Variants in SCN1A observed in about 807,000 individuals in gnomAD.
SCN1A encodes the protein sodium channel protein type 1 subunit alpha.
Under a neutral mutation model 193.7 loss-of-function variants are expected in SCN1A, and 13 were observed. The observed-to-expected ratio is 0.07, with a 90% CI of 0.04 to 0.11. SCN1A has a LOEUF of 0.11. SCN1A is among the 10% of genes least tolerant of loss of function. SCN1A has a pLI of 1.00. For missense variants in SCN1A, 1,432 were observed against 2,451.1 expected (o/e 0.58, Z 8.78); for synonymous variants, 781 against 843.6 (o/e 0.93, Z 1.29).
intron 22 of SCN1A, among the ~76,000 whole-genome samples, chr2:166,010,394 G>C (rs945390861): frequency 6.6e-6 from 1 of 151,100 alleles, no homozygotes; most frequent in South Asian, 2.1e-4. Context: ...TTTTACATAA[G>C]TAACTTAGAA....
chr2:166,120,780 A>AT (rs1356054834), intron 2 of SCN1A, among the ~76,000 whole-genome samples: 1 of 150,834 alleles, frequency 6.6e-6, no homozygotes, highest in Non-Finnish European at 1.5e-5. Context: ...TGCCTGGCTA[A>AT]TTTTTTTGTA....
At chr2:166,106,002 A>C (rs930635497) in intron 2 of SCN1A, among the ~76,000 whole-genome samples, 1 of 152,150 alleles carries the variant, frequency 6.6e-6, no homozygotes, top group South Asian at 2.1e-4. Flanking sequence ...CCTGGCTAAC[A>C]CGGTGAAAAC....
Position 165,991,296 on chromosome 2 carries a change from A to G in SCN1A, c.5979T>C (p.Ile1993=). ...PPSYDRVTKP[I]VEKHEQEGKD... ...TGCCTTCTTGCTCATGTTTTTCCAC[A>G]ATTGGCTTTGTCACCCGGTCATAGG... Residue 1993 remains isoleucine, a synonymous_variant, in exon 29 of 29, where the codon ATT becomes ATC. Coordinates refer to ENST00000674923, the MANE Select transcript of SCN1A (RefSeq NM_001165963.4). 6.2e-7 allele frequency: 1 copy of G among 1,613,502 alleles called. No individual in the cohort carries two copies. Among genetic ancestry groups the G allele is most frequent in the African/African-American group, 1.3e-5 (1 of 74,932 alleles).
intron 2 of SCN1A, among the ~76,000 whole-genome samples, chr2:166,079,567 C>T (rs1476772929): frequency 2.0e-5 from 3 of 150,582 alleles, no homozygotes; most frequent in Non-Finnish European, 4.5e-5. Flanking sequence ...ACGACAATCA[C>T]CGTCTTTCAG....
At chr2:166,108,264 A>T (rs996363634) in intron 2 of SCN1A, among the ~76,000 whole-genome samples, 1 of 152,086 alleles carries the variant, frequency 6.6e-6, no homozygotes, top group African/African-American at 2.4e-5. Context: ...ATCACGTCAC[A>T]CACACTGGAA....
intron 11 of SCN1A, among the ~76,000 whole-genome samples, chr2:166,047,219 A>G (rs1281700210): frequency 6.6e-6 from 1 of 152,170 alleles, no homozygotes; most frequent in Non-Finnish European, 1.5e-5. Context: ...GAAACAGTCA[A>G]TAAAATGCCA....
chr2:166,103,594 A>G (rs765514103), intron 2 of SCN1A, among the ~76,000 whole-genome samples: 15 of 152,142 alleles, frequency 9.9e-5, no homozygotes, highest in Non-Finnish European at 1.9e-4. Flanking sequence ...GAAAAATGTT[A>G]AGAGAAGCTT....
chr2:166,047,196 A>G (rs1221826433), intron 11 of SCN1A, among the ~76,000 whole-genome samples: 1 of 152,038 alleles, frequency 6.6e-6, no homozygotes, highest in Non-Finnish European at 1.5e-5. Context: ...GAATTTTTGT[A>G]TTCACCAAGA....
intron 3 of SCN1A, among the ~76,000 whole-genome samples, chr2:166,075,074 A>G (rs1684857877): frequency 6.6e-6 from 1 of 152,210 alleles, no homozygotes; most frequent in Admixed American, 6.5e-5. Flanking sequence ...CCTACAAGGC[A>G]TCAGGAAAAT....
intron 3 of SCN1A, among the ~76,000 whole-genome samples, chr2:166,075,720 T>G (rs1684922491): frequency 6.6e-6 from 1 of 152,084 alleles, no homozygotes; most frequent in African/African-American, 2.4e-5. Flanking sequence ...TTGTACAGAA[T>G]GTTTATTTAT....
chr2:166,017,049 T>C (rs903730294), intron 19 of SCN1A, among the ~76,000 whole-genome samples: 5 of 150,422 alleles, frequency 3.3e-5, no homozygotes, highest in African/African-American at 1.2e-4. Flanking sequence ...TTTCTTAAAA[T>C]AGAAAAACTT....
chr2:166,144,344 C>T (rs2155874), intron 1 of SCN1A, among the ~76,000 whole-genome samples: 122,420 of 151,664 alleles, frequency 0.81, 50,002 homozygotes, highest in African/African-American at 0.94. Flanking sequence ...AGTGTGGTAC[C>T]TCTGGTAAAG....
chr2:166,145,115 C>A (rs1444918196), intron 1 of SCN1A, among the ~76,000 whole-genome samples: 4 of 146,246 alleles, frequency 2.7e-5, no homozygotes, highest in African/African-American at 1.0e-4. Flanking sequence ...GGATTACAGG[C>A]GTGAGCCACT....
chr2:165,998,285 A>AT (rs35180275), intron 25 of SCN1A, 110 bp from the exon 26 acceptor site: 66,786 of 675,042 alleles, frequency 0.099, 13 homozygotes, highest in East Asian at 0.13. Context: ...ATATGTCAGC[A>AT]TTTTTTTTTT....
intron 19 of SCN1A, among the ~76,000 whole-genome samples, chr2:166,025,720 G>A (rs1310481001): frequency 1.3e-5 from 2 of 151,822 alleles, no homozygotes; most frequent in Non-Finnish European, 2.9e-5. Context: ...TACCAATATT[G>A]TCTGCTACAT....
At chr2:166,124,280 G>A (rs1286585071) in intron 2 of SCN1A, among the ~76,000 whole-genome samples, 1 of 151,700 alleles carries the variant, frequency 6.6e-6, no homozygotes, top group Non-Finnish European at 1.5e-5. Context: ...CCGGTGTGAT[G>A]GCTCACTCCT....
chr2:165,993,241 A>G (rs1689537747), intron 28 of SCN1A: 1 of 145,198 alleles, frequency 6.9e-6, no homozygotes, highest in Admixed American at 6.9e-5. Context: ...GAGACGTGTG[A>G]GAATACAACT....
At chr2:166,064,553 T>A (rs994799039) in intron 4 of SCN1A, among the ~76,000 whole-genome samples, 8 of 152,204 alleles carry the variant, frequency 5.3e-5, no homozygotes, top group Non-Finnish European at 1.2e-4. Context: ...ATATTTGTTA[T>A]TATCTAGTAA....
chr2:166,084,766 T>C (rs1685923696), intron 2 of SCN1A, among the ~76,000 whole-genome samples: 2 of 152,068 alleles, frequency 1.3e-5, no homozygotes, highest in Admixed American at 6.6e-5. Context: ...CTGACAGCAA[T>C]AATTTAAGGG....
Sources: gnomAD v4.1 joint callset for allele counts (sites outside exome capture counted in the v4.1 genomes callset) on GRCh38, gnomAD v4.1.1 for gene constraint, MANE v1.5 for transcripts, NCBI Gene and HGNC (gene_info 2026-07-23, HGNC 2026-07-21) for gene names.